SHISA6: variants seen among roughly 807,000 people sequenced by gnomAD.
The protein encoded by SHISA6 is protein shisa-6.
SHISA6 carries 22 observed loss-of-function variants against 47.9 expected under a neutral mutation model. The ratio of observed to expected loss-of-function variants is 0.46; its 90% CI spans 0.33 to 0.66. The LOEUF (loss-of-function observed/expected upper bound fraction) is 0.66. Ranked by LOEUF, SHISA6 falls within the 30% of genes least tolerant of loss-of-function variation. SHISA6 has a pLI of 0.02. For missense variants in SHISA6, 680 were observed against 764.6 expected (o/e 0.89, Z 1.30); for synonymous variants, 388 against 337.8 (o/e 1.15, Z -1.63).
At chr17:11,373,891 G>A (rs906991403) in intron 2 of SHISA6, among the ~76,000 whole-genome samples, 2 of 152,162 alleles carry the variant, frequency 1.3e-5, no homozygotes, top group Non-Finnish European at 1.5e-5. Context: ...CCTTATGCAC[G>A]TGTGAGGATT....
chr17:11,499,963 A>G (rs556189174), intron 3 of SHISA6, among the ~76,000 whole-genome samples: 48 of 152,146 alleles, frequency 3.2e-4, no homozygotes, highest in Admixed American at 2.4e-3. Flanking sequence ...TGGCCTCCCA[A>G]ACTGCTGGAA....
intron 3 of SHISA6, among the ~76,000 whole-genome samples, chr17:11,526,019 A>AT (rs1357415162): frequency 6.6e-6 from 1 of 151,432 alleles, no homozygotes; most frequent in Non-Finnish European, 1.5e-5. Context: ...AAAAGAAAAA[A>AT]AAAAAACCTG....
In SHISA6 at chr17:11,558,376, C is replaced by T. The variant is rs2072005210; in HGVS notation, c.*72C>T. The T allele has an allele frequency of 6.9e-7, 1 of 1,447,496 alleles. No individual in the cohort carries two copies. The highest frequency in any genetic ancestry group is 9.2e-7 in the Non-Finnish European group (1 of 1,084,116). 89.7% of individuals were successfully genotyped at this position (1,447,496 alleles called of 1,614,324 possible). On this transcript the variant is annotated 3_prime_UTR_variant, in exon 6 of 6. Coordinates refer to ENST00000441885, the MANE Select transcript of SHISA6 (RefSeq NM_207386.4). ...GGGCCGGGAGGGGCCAGGAGCAGAGCTTCTAGCCTTGCCACTCTCCCTTCC... is the reference window on the plus strand; with the variant it reads ...GGGCCGGGAGGGGCCAGGAGCAGAGTTTCTAGCCTTGCCACTCTCCCTTCC...
chr17:11,416,444 C>T (rs907477241), intron 3 of SHISA6, among the ~76,000 whole-genome samples: 2 of 152,150 alleles, frequency 1.3e-5, no homozygotes, highest in African/African-American at 4.8e-5. Context: ...TGGTCCATCT[C>T]ATCTCATAGT....
At chr17:11,402,472 C>A (rs908915727) in intron 3 of SHISA6, among the ~76,000 whole-genome samples, 3 of 152,220 alleles carry the variant, frequency 2.0e-5, no homozygotes, top group African/African-American at 7.2e-5. Context: ...TACCTCTTTT[C>A]CACTTAATGA....
At chr17:11,310,972 T>C (rs1357035305) in intron 2 of SHISA6, among the ~76,000 whole-genome samples, 1 of 151,802 alleles carries the variant, frequency 6.6e-6, no homozygotes, top group African/African-American at 2.4e-5. Flanking sequence ...GCCAGTGTGG[T>C]GGCAGGTGCC....
intron 1 of SHISA6, among the ~76,000 whole-genome samples, chr17:11,247,534 T>C (rs1380961492): frequency 2.0e-5 from 3 of 152,168 alleles, no homozygotes; most frequent in Non-Finnish European, 4.4e-5. Context: ...CTCATAGCCC[T>C]TGATGATATA....
chr17:11,319,481 C>T (rs1268363835), intron 2 of SHISA6, among the ~76,000 whole-genome samples: 4 of 152,184 alleles, frequency 2.6e-5, no homozygotes, highest in African/African-American at 7.2e-5. Flanking sequence ...TTTTCTGTTT[C>T]TTGAGTTCAC....
At chr17:11,497,228 C>T (rs1329135291) in intron 3 of SHISA6, among the ~76,000 whole-genome samples, 2 of 152,156 alleles carry the variant, frequency 1.3e-5, no homozygotes, top group Non-Finnish European at 2.9e-5. Context: ...CATGGGGGAC[C>T]AGCCTGGCTT....
At chr17:11,281,414 C>T (rs1909117815) in intron 2 of SHISA6, among the ~76,000 whole-genome samples, 1 of 152,152 alleles carries the variant, frequency 6.6e-6, no homozygotes, top group Admixed American at 6.5e-5. Context: ...GATGATGATA[C>T]AGTTTTTCCT....
chr17:11,419,674 G>GA (rs1914396047), intron 3 of SHISA6, among the ~76,000 whole-genome samples: 1 of 152,136 alleles, frequency 6.6e-6, no homozygotes, highest in Admixed American at 6.5e-5. Context: ...CCCCAAAAAA[G>GA]GTAAGCTGTA....
At chr17:11,318,994 T>C (rs1410035031) in intron 2 of SHISA6, among the ~76,000 whole-genome samples, 1 of 152,168 alleles carries the variant, frequency 6.6e-6, no homozygotes, top group African/African-American at 2.4e-5. Context: ...TACTTCAACC[T>C]GGTCTATTCT....
rs983113411 is a variant in SHISA6, at chr17:11,422,216, C to G, written c.895+42707C>G. On this transcript the variant is annotated intron_variant, in intron 3 of 5. Coordinates refer to ENST00000441885, the MANE Select transcript of SHISA6 (RefSeq NM_207386.4). ...GCATTCCCCATCGCTCCACCTGCAGCCTGACTGGGCTGGTGGGGCAATGAA... is the reference window on the plus strand; with the variant it reads ...GCATTCCCCATCGCTCCACCTGCAGGCTGACTGGGCTGGTGGGGCAATGAA... Among the ~76,000 whole-genome samples, 4 of 152,328 alleles carry G rather than the reference C, an allele frequency of 2.6e-5. No individual in the cohort carries two copies. The South Asian group carries it at 8.3e-4, about 32-fold the overall frequency.
At chr17:11,427,422 C>T (rs1011088535) in intron 3 of SHISA6, among the ~76,000 whole-genome samples, 19 of 152,086 alleles carry the variant, frequency 1.2e-4, no homozygotes, top group African/African-American at 3.4e-4. Context: ...CGTGAGCCAC[C>T]GCGCCCGGCC....
chr17:11,521,897 CTACT>C (rs1267846400), intron 3 of SHISA6, among the ~76,000 whole-genome samples: 2 of 152,068 alleles, frequency 1.3e-5, no homozygotes, highest in East Asian at 3.8e-4. Flanking sequence ...AGGGAAAATT[CTACT>C]TAGAGATATA....
intron 1 of SHISA6, among the ~76,000 whole-genome samples, chr17:11,253,133 A>G (rs116173910): frequency 0.011 from 1,747 of 152,250 alleles, 39 homozygotes; most frequent in African/African-American, 0.04. Context: ...TGTTCTGTCC[A>G]CTGCTGTGTC....
chr17:11,357,342 C>T (rs1912113306), intron 2 of SHISA6, among the ~76,000 whole-genome samples: 1 of 151,776 alleles, frequency 6.6e-6, no homozygotes, highest in Non-Finnish European at 1.5e-5. Context: ...TCTAAGTTAC[C>T]CCTCCCATCA....
At chr17:11,462,677 G>A (rs1289414472) in intron 3 of SHISA6, among the ~76,000 whole-genome samples, 2 of 151,820 alleles carry the variant, frequency 1.3e-5, no homozygotes, top group Non-Finnish European at 2.9e-5. Context: ...CTGGAGTCCA[G>A]AGTGCAATGG....
chr17:11,307,039 C>T (rs1366944005), intron 2 of SHISA6, among the ~76,000 whole-genome samples: 24 of 152,078 alleles, frequency 1.6e-4, no homozygotes, highest in African/African-American at 1.4e-4. Flanking sequence ...CCCTGTTTCT[C>T]GCAACCCCCC....
Sources: gnomAD v4.1 joint callset for allele counts (sites outside exome capture counted in the v4.1 genomes callset) on GRCh38, gnomAD v4.1.1 for gene constraint, MANE v1.5 for transcripts, NCBI Gene and HGNC (gene_info 2026-07-23, HGNC 2026-07-21) for gene names.